CREB3L2: variants seen among roughly 807,000 people sequenced by gnomAD.
CREB3L2 encodes cyclic AMP-responsive element-binding protein 3-like protein 2.
In CREB3L2, 23 loss-of-function variants were observed where a neutral mutation model predicts 57.2. The observed-to-expected ratio is 0.40, with a 90% CI of 0.29 to 0.57. The LOEUF is 0.57. Among genes scored for constraint, CREB3L2 ranks in the 20% least tolerant of loss-of-function variants. The pLI, the probability that CREB3L2 is intolerant of heterozygous loss-of-function variation, is 0.42. For synonymous variants in CREB3L2, 268 were observed against 265.1 expected, an observed-to-expected ratio of 1.01 and a Z score of -0.11; for missense variants, 628 against 634.7, an observed-to-expected ratio of 0.99 and a Z score of 0.11.
chr7:137,882,396 T>G lies in CREB3L2; in HGVS notation c.1487+16A>C. 1.2e-6 allele frequency: 2 copies of G among 1,600,646 alleles called. No individual in the cohort carries two copies. The highest frequency in any genetic ancestry group is 1.7e-6 in the Non-Finnish European group (2 of 1,169,830). On this transcript the variant is annotated intron_variant, in intron 11 of 11. Transcript: ENST00000330387. ...CAGTGCACTAGAGGAGTTGGCTCTG[T>G]GTCTCTATGACTCACAGGTGCTGCT...
At chr7:137,924,888 C>A (rs538688783) in intron 2 of CREB3L2, among the ~76,000 whole-genome samples, 1 of 152,238 alleles carries the variant, frequency 6.6e-6, no homozygotes, top group African/African-American at 2.4e-5. Flanking sequence ...ACAGATGATT[C>A]CTGTGGAATC....
At chr7:137,962,437 G>A (rs1487625061) in intron 1 of CREB3L2, among the ~76,000 whole-genome samples, 1 of 151,990 alleles carries the variant, frequency 6.6e-6, no homozygotes, top group African/African-American at 2.4e-5. Context: ...CTCACCTTGA[G>A]CTTCTTCCCG....
At chr7:137,885,361 A>C in intron 9 of CREB3L2, 42 bp downstream of exon 9, 4 of 1,521,600 alleles carry the variant, frequency 2.6e-6, no homozygotes, top group Non-Finnish European at 3.6e-6. Context: ...GACAGGGGCC[A>C]GGCCAGGGGC....
chr7:137,901,208 G>A, intron 8 of CREB3L2, 146 bp downstream of exon 8: 1 of 615,550 alleles, frequency 1.6e-6, no homozygotes, highest in South Asian at 1.9e-5. Context: ...GGTGGGTGGA[G>A]TTTGGCCATG....
At chr7:137,916,194 A>G (rs1477642298) in intron 2 of CREB3L2, among the ~76,000 whole-genome samples, 182 bp from the exon 3 acceptor site, 3 of 152,242 alleles carry the variant, frequency 2.0e-5, no homozygotes, top group East Asian at 1.9e-4. Context: ...GAAAGAATCT[A>G]TACTTGTATT....
At chr7:137,993,650 G>A (rs1042269674) in intron 1 of CREB3L2, among the ~76,000 whole-genome samples, 3 of 152,254 alleles carry the variant, frequency 2.0e-5, no homozygotes, top group Admixed American at 6.5e-5. Context: ...CTCTGAAAGC[G>A]CTGGGATTAC....
chr7:137,900,104 T>C (rs964446155), intron 8 of CREB3L2, among the ~76,000 whole-genome samples: 2 of 152,170 alleles, frequency 1.3e-5, no homozygotes, highest in Non-Finnish European at 2.9e-5. Flanking sequence ...CATGAACACA[T>C]ACATTCTGGA....
At chr7:137,987,507 T>C (rs1317660317) in intron 1 of CREB3L2, among the ~76,000 whole-genome samples, 1 of 152,186 alleles carries the variant, frequency 6.6e-6, no homozygotes, top group Non-Finnish European at 1.5e-5. Flanking sequence ...TCTCTAAAAA[T>C]TAAGTTTAAA....
At chr7:137,979,966 G>T (rs548713043) in intron 1 of CREB3L2, among the ~76,000 whole-genome samples, 1 of 152,186 alleles carries the variant, frequency 6.6e-6, no homozygotes, top group Non-Finnish European at 1.5e-5. Context: ...TCAGTACCTG[G>T]TGCATGCGGA....
chr7:137,945,059 A>C (rs1364772262), intron 1 of CREB3L2, among the ~76,000 whole-genome samples: 2 of 151,926 alleles, frequency 1.3e-5, no homozygotes, highest in Non-Finnish European at 2.9e-5. Context: ...CGCCCAGCTA[A>C]TTTTTGTATT....
intron 2 of CREB3L2, among the ~76,000 whole-genome samples, chr7:137,921,816 T>C (rs1262930872): frequency 6.6e-6 from 1 of 152,234 alleles, no homozygotes; most frequent in African/African-American, 2.4e-5. Flanking sequence ...AGACACTCTA[T>C]GTCCACCTTT....
rs1256650728 is a variant in CREB3L2, at chr7:137,885,056, A to G, written c.1209T>C (p.Ser403=). The part of the protein sequence containing the change: ...SFFQGYGPYP[S]ATKMALPSQH... ...GGCTGGGCAGAGCCATCTTGGTGGC[A>G]GAAGGATAGGGCCCGTAGCCTTGAA... The change falls in exon 10 of 12, where the codon TCT becomes TCC. Residue 403 remains serine, a synonymous_variant. Transcript: ENST00000330387. 2 of 1,614,184 alleles carry G rather than the reference A, an allele frequency of 1.2e-6. No individual in the cohort carries two copies. Among genetic ancestry groups the G allele is most frequent in the Admixed American group, 3.3e-5 (2 of 60,030 alleles).
intron 1 of CREB3L2, among the ~76,000 whole-genome samples, chr7:137,986,158 T>C (rs749996538): frequency 2.0e-5 from 3 of 152,212 alleles, no homozygotes; most frequent in Non-Finnish European, 4.4e-5. Context: ...CAGAACCAGA[T>C]TGTAAGCCTA....
At chr7:137,954,179 G>C (rs145987684) in intron 1 of CREB3L2, among the ~76,000 whole-genome samples, 1 of 152,234 alleles carries the variant, frequency 6.6e-6, no homozygotes, top group East Asian at 1.9e-4. Context: ...TAACTAAAAT[G>C]ACAACTGAAA....
chr7:137,901,884 A>AAAAAAAAG lies in CREB3L2; in HGVS notation c.975-463_975-462insCTTTTTTT, dbSNP rs1799767270. 6.0e-5 allele frequency among the ~76,000 whole-genome samples: 9 copies of AAAAAAAAG among 149,254 alleles called. 1 individual carries two copies. Among genetic ancestry groups the AAAAAAAAG allele is most frequent in the Non-Finnish European group, 8.9e-5 (6 of 67,324 alleles). The stretch of plus-strand genomic sequence containing the variant: ...GAGCAAGATCTGTCTCAAAAAAAAA[A>AAAAAAAAG]AAAAAAAAGAAAAATAGAAGGAGCT... On this transcript the variant is annotated intron_variant, in intron 7 of 11. Coordinates refer to ENST00000330387, the MANE Select transcript of CREB3L2 (RefSeq NM_194071.4).
At chr7:137,949,143 T>C (rs1801049329) in intron 1 of CREB3L2, among the ~76,000 whole-genome samples, 1 of 152,224 alleles carries the variant, frequency 6.6e-6, no homozygotes, top group African/African-American at 2.4e-5. Flanking sequence ...TATCATTTTC[T>C]CTTAGGCAAA....
At chr7:137,913,672 T>C (rs1037884752) in intron 3 of CREB3L2, among the ~76,000 whole-genome samples, 1 of 152,120 alleles carries the variant, frequency 6.6e-6, no homozygotes, top group African/African-American at 2.4e-5. Context: ...ACTTTTTTTT[T>C]TGTGGCATCA....
At chr7:137,985,891 A>G (rs1585677866) in intron 1 of CREB3L2, among the ~76,000 whole-genome samples, 1 of 152,298 alleles carries the variant, frequency 6.6e-6, no homozygotes, top group South Asian at 2.1e-4. Flanking sequence ...TTTTCCCTAA[A>G]TGCCTTTCAC....
intron 1 of CREB3L2, among the ~76,000 whole-genome samples, chr7:137,979,527 C>G (rs1003194355): frequency 1.3e-5 from 2 of 152,092 alleles, no homozygotes; most frequent in African/African-American, 4.8e-5. Flanking sequence ...AGATCGAGAC[C>G]ATCCTGGCTA....
Sources: allele counts gnomAD v4.1 joint callset (sites outside exome capture counted in the v4.1 genomes callset), GRCh38; gene constraint gnomAD v4.1.1; transcripts MANE v1.5; gene names NCBI Gene and HGNC (gene_info 2026-07-23, HGNC 2026-07-21).